Variants in C1orf21 observed in about 807,000 individuals in gnomAD.
The protein encoded by C1orf21 is chromosome 1 open reading frame 21.
Under a neutral mutation model 18.7 loss-of-function variants are expected in C1orf21, and 3 were observed. The observed-to-expected ratio is 0.16, with a 90% CI of 0.07 to 0.42. The LOEUF is 0.42. C1orf21 is among the 10% of genes least tolerant of loss of function. The pLI is 0.99. For missense variants in C1orf21, 104 were observed against 143.6 expected (o/e 0.72, Z 1.41); for synonymous variants, 41 against 46.4 (o/e 0.88, Z 0.47).
chr1:184,471,935 G>C (rs1380115857), intron 1 of C1orf21, among the ~76,000 whole-genome samples: 1 of 152,104 alleles, frequency 6.6e-6, no homozygotes, highest in Non-Finnish European at 1.5e-5. Flanking sequence ...CATGTCAAAT[G>C]TGACATCTCT....
intron 1 of C1orf21, among the ~76,000 whole-genome samples, chr1:184,391,084 G>A (rs1395220930): frequency 6.6e-6 from 1 of 152,100 alleles, no homozygotes; most frequent in Admixed American, 6.5e-5. Flanking sequence ...TATTTAGCTT[G>A]ACTGTCTCGG....
intron 3 of C1orf21, 97 bp from the exon 4 acceptor site, chr1:184,590,642 C>G: frequency 8.1e-7 from 1 of 1,238,770 alleles, no homozygotes; most frequent in Non-Finnish European, 1.2e-6. Context: ...GTATAGGGCC[C>G]CAAACAGATT....
At chr1:184,571,059 C>T (rs187779992) in intron 3 of C1orf21, among the ~76,000 whole-genome samples, 1,901 of 151,976 alleles carry the variant, frequency 0.013, 37 homozygotes, top group African/African-American at 0.043. Context: ...TTTGGGAGGC[C>T]GAGGCGGGCG....
rs1211976406 is a variant in C1orf21, at chr1:184,620,210, T to C, written c.*654T>C. 1 of 152,670 alleles carries C rather than the reference T, an allele frequency of 6.6e-6. No individual in the cohort carries two copies. Among genetic ancestry groups the C allele is most frequent in the Non-Finnish European group, 1.5e-5 (1 of 68,040 alleles). 9.5% of individuals were successfully genotyped at this position (152,670 alleles called of 1,614,324 possible). A position where few individuals can be genotyped will look rare whatever the true frequency, so the allele number is the denominator to read the frequency against. The stretch of plus-strand genomic sequence containing the variant: ...ATTTAATAGGTATCTTAATCAAGAA[T>C]TAAGCTTGCAACATTGGCTTTGCTC... On this transcript the variant is annotated 3_prime_UTR_variant, in exon 6 of 6. Coordinates refer to ENST00000235307, the MANE Select transcript of C1orf21 (RefSeq NM_030806.4).
chr1:184,491,633 T>C (rs1657818519), intron 2 of C1orf21, among the ~76,000 whole-genome samples: 1 of 152,242 alleles, frequency 6.6e-6, no homozygotes, highest in African/African-American at 2.4e-5. Context: ...ATTACAGGCA[T>C]GAGCCACTGT....
At chr1:184,540,769 C>A (rs1008613993) in intron 3 of C1orf21, among the ~76,000 whole-genome samples, 1 of 152,120 alleles carries the variant, frequency 6.6e-6, no homozygotes, top group Non-Finnish European at 1.5e-5. Flanking sequence ...GTTTATGAAG[C>A]TAAAAAGTTA....
At chr1:184,609,318 T>TG (rs34554802) in intron 5 of C1orf21, among the ~76,000 whole-genome samples, 33,163 of 152,130 alleles carry the variant, frequency 0.22, 3,783 homozygotes, top group East Asian at 0.31. Flanking sequence ...TAACTCTTTC[T>TG]GTATTTCCTG....
chr1:184,391,705 ATTTC>A (rs1260998905), intron 1 of C1orf21, among the ~76,000 whole-genome samples: 2 of 151,660 alleles, frequency 1.3e-5, no homozygotes, highest in Non-Finnish European at 2.9e-5. Context: ...AATTATTGAA[ATTTC>A]TTTCTTTCTT....
chr1:184,406,774 C>T (rs1316405842), intron 1 of C1orf21, among the ~76,000 whole-genome samples: 1 of 152,114 alleles, frequency 6.6e-6, no homozygotes, highest in African/African-American at 2.4e-5. Flanking sequence ...TTCCTCCTTT[C>T]CACACTGCCT....
chr1:184,617,085 A>G (rs1158517484), intron 5 of C1orf21, among the ~76,000 whole-genome samples: 2 of 152,194 alleles, frequency 1.3e-5, no homozygotes, highest in Non-Finnish European at 2.9e-5. Context: ...AATTACAATA[A>G]TAGTAGCAGT....
At chr1:184,443,800 G>A (rs1334331236) in intron 1 of C1orf21, among the ~76,000 whole-genome samples, 1 of 152,104 alleles carries the variant, frequency 6.6e-6, no homozygotes, top group East Asian at 1.9e-4. Context: ...TCCCTGAAAT[G>A]GGGTCATGAG....
chr1:184,491,916 C>T (rs1257631463), intron 2 of C1orf21, among the ~76,000 whole-genome samples: 2 of 152,222 alleles, frequency 1.3e-5, no homozygotes, highest in South Asian at 2.1e-4. Context: ...TTGTCTTGCT[C>T]TTCATTCTGA....
intron 3 of C1orf21, among the ~76,000 whole-genome samples, chr1:184,549,190 A>G (rs1658775460): frequency 6.6e-6 from 1 of 152,154 alleles, no homozygotes; most frequent in Non-Finnish European, 1.5e-5. Flanking sequence ...TTAGAATAGC[A>G]ACATCTGAGA....
chr1:184,592,585 T>TAGA (rs1354707825), intron 4 of C1orf21, among the ~76,000 whole-genome samples: 1 of 152,182 alleles, frequency 6.6e-6, no homozygotes, highest in East Asian at 1.9e-4. Flanking sequence ...GAGACAAATT[T>TAGA]CCTGAGAGTA....
At chr1:184,415,449 G>T (rs1557966459) in intron 1 of C1orf21, among the ~76,000 whole-genome samples, 1 of 152,162 alleles carries the variant, frequency 6.6e-6, no homozygotes. Context: ...CTGGGATGGA[G>T]CCCTGAAATT....
rs979753742 is a variant in C1orf21, at chr1:184,622,735, C to T, written c.*3179C>T. On this transcript the variant is annotated 3_prime_UTR_variant, in exon 6 of 6. Coordinates refer to ENST00000235307, the MANE Select transcript of C1orf21 (RefSeq NM_030806.4). ...TCTCTCCGTCCACAGTGCCCATCAT[C>T]TGAGCCTGGGCTGGGATGACTCAAC... The T allele has an allele frequency of 6.5e-6, 1 of 152,702 alleles. No homozygotes were observed. The highest frequency in any genetic ancestry group is 1.5e-5 in the Non-Finnish European group (1 of 68,162). The allele number at this position is 152,702 out of a possible 1,614,324, so 9.5% of individuals were successfully genotyped here.
intron 3 of C1orf21, among the ~76,000 whole-genome samples, chr1:184,590,077 G>A (rs929340384): frequency 4.6e-5 from 7 of 152,208 alleles, no homozygotes; most frequent in African/African-American, 1.7e-4. Flanking sequence ...GTTGAAAAAT[G>A]CAGAGCAGTA....
intron 1 of C1orf21, among the ~76,000 whole-genome samples, chr1:184,471,306 A>G (rs987811845): frequency 6.6e-6 from 1 of 152,226 alleles, no homozygotes; most frequent in Admixed American, 6.5e-5. Flanking sequence ...AATCAACGCT[A>G]TTAGGCCAAA....
At chr1:184,551,233 T>C (rs75776508) in intron 3 of C1orf21, among the ~76,000 whole-genome samples, 1 of 152,000 alleles carries the variant, frequency 6.6e-6, no homozygotes, top group African/African-American at 2.4e-5. Flanking sequence ...TATGTGTGTA[T>C]TTTTTTTAAA....
Sources: allele counts gnomAD v4.1 joint callset (sites outside exome capture counted in the v4.1 genomes callset), GRCh38; gene constraint gnomAD v4.1.1; transcripts MANE v1.5; gene names NCBI Gene and HGNC (gene_info 2026-07-23, HGNC 2026-07-21).